Variants in IRX3 observed in about 807,000 individuals in gnomAD.
The protein encoded by IRX3 is iroquois homeobox 3.
In IRX3, 20 loss-of-function variants were observed where a neutral mutation model predicts 36.4. The ratio of observed to expected loss-of-function variants is 0.55; its 90% CI spans 0.39 to 0.80. The LOEUF is 0.80. Among genes scored for constraint, IRX3 ranks in the 30% least tolerant of loss-of-function variants. The probability of loss-of-function intolerance (pLI) is 0.00; values close to 1 mark genes in which losing one functional copy is unlikely to be tolerated. For synonymous variants in IRX3, 404 were observed against 351.6 expected (o/e 1.15, Z -1.67); for missense variants, 718 against 733.2 (o/e 0.98, Z 0.24).
At position 54,285,753 on chromosome 16, in the gene IRX3, C is replaced by G. The variant is rs562768536; in HGVS notation, c.267+31G>C. 3.1e-5 allele frequency: 47 copies of G among 1,503,442 alleles called. No homozygotes were observed. In the African/African-American group the frequency reaches 5.6e-4, roughly 18 times the overall value. The allele number at this position is 1,503,442 out of a possible 1,614,324, so 93.1% of individuals were successfully genotyped here. On this transcript the variant is annotated intron_variant, in intron 1 of 3. Coordinates refer to ENST00000329734, the MANE Select transcript of IRX3 (RefSeq NM_024336.3). The surrounding 1 kb of genome is among the most constrained non-coding windows in gnomAD (Gnocchi z 5.7). The stretch of plus-strand genomic sequence containing the variant: ...AGCTCGCCCTGCGCCCCAGCGCCAA[C>G]CCCTCCTTCCCTGGCTCCGCGGGCT...
rs1901297103 is a variant in IRX3, at chr16:54,285,229, C to T, written c.652G>A (p.Asp218Asn). ...AGCTCGCGTTTGCCGTCCTCCTCGT[C>T]CTCCTCTTCGTCTTCCTCCTCGCGC... is the stretch of plus-strand genomic sequence containing the variant. ...SEREEEDEEE[D>N]EEDGKRELEL... Residue 218 changes from aspartate to asparagine, a missense_variant, in exon 2 of 4, where the codon GAC (aspartate) becomes AAC (asparagine). This residue lies in a region of IRX3 where 468 missense variants were observed against 462.1 expected (regional missense o/e 1.01). Coordinates refer to ENST00000329734, the MANE Select transcript of IRX3 (RefSeq NM_024336.3). The surrounding 1 kb of genome is among the most constrained non-coding windows in gnomAD (Gnocchi z 5.7). 1 of 1,611,904 alleles carries T rather than the reference C, an allele frequency of 6.2e-7. No homozygotes were observed. The highest frequency in any genetic ancestry group is 1.1e-5 in the South Asian group (1 of 90,874).
rs1246359219 is a variant in IRX3, at chr16:54,285,982, A to G, written c.69T>C (p.Ala23=). Residue 23 remains alanine, a synonymous_variant, in exon 1 of 4, where the codon GCT becomes GCC. Coordinates refer to ENST00000329734, the MANE Select transcript of IRX3 (RefSeq NM_024336.3). This position sits in a 1 kb window ranked among gnomAD's most constrained non-coding sequence, Gnocchi z 5.7. The stretch of plus-strand genomic sequence containing the variant: ...CCCCCGCGCTGCCGCCGCTGCCGCC[A>G]GCGGCCCCCGGGCGCTCGGACGGGT... ...PLYPSERPGA[A]GGSGGSAGAR... is the part of the protein sequence containing the mutation. The G allele has an allele frequency of 9.5e-6, 13 of 1,371,988 alleles. No individual in the cohort carries two copies. The highest frequency in any genetic ancestry group is 1.2e-5 in the Non-Finnish European group (13 of 1,065,102). The allele number at this position is 1,371,988 out of a possible 1,614,324, so 85.0% of individuals were successfully genotyped here.
In IRX3 at chr16:54,284,551, G is replaced by T; in HGVS notation, c.1330C>A (p.His444Asn). The T allele has an allele frequency of 7.0e-7, 1 of 1,419,542 alleles. No homozygotes were observed. The highest frequency in any genetic ancestry group is 9.1e-7 in the Non-Finnish European group (1 of 1,097,152). The allele number at this position is 1,419,542 out of a possible 1,614,324, so 87.9% of individuals were successfully genotyped here. A position where few individuals can be genotyped will look rare whatever the true frequency, so the allele number is the denominator to read the frequency against. The change falls in exon 2 of 4, where the codon CAC becomes AAC. Residue 444 changes from histidine (H) to asparagine (N), a missense_variant. His to Asn is a moderately conservative substitution (Grantham distance 68). This residue lies in a region of IRX3 where 468 missense variants were observed against 462.1 expected (regional missense o/e 1.01). Transcript: ENST00000329734. The surrounding 1 kb of genome is among the most constrained non-coding windows in gnomAD (Gnocchi z 4.0). ...GCGAAGGCGGCGGCGGCAGCCGGGT[G>T]GCCCGCGGCTCCGGGAAGTCCCAGC... is the stretch of plus-strand genomic sequence containing the variant. ...HLLGLPGAAG[H>N]PAAAAAFARP...
Position 54,286,045 on chromosome 16 carries a change from G to C in IRX3, c.6C>G (p.Ser2=). 1.6e-6 allele frequency: 2 copies of C among 1,287,244 alleles called. No individual in the cohort carries two copies. Among genetic ancestry groups the C allele is most frequent in the East Asian group, 3.3e-5 (1 of 30,220 alleles). 79.7% of individuals were successfully genotyped at this position (1,287,244 alleles called of 1,614,324 possible). A position where few individuals can be genotyped will look rare whatever the true frequency, so the allele number is the denominator to read the frequency against. M[S]FPQLGYQYIR... ...TGTATTGGTATCCCAGCTGGGGGAA[G>C]GACATGGTGGCCCGCGGGGCACGGA... The change falls in exon 1 of 4, where the codon TCC becomes TCG. Residue 2 remains serine, a synonymous_variant. Transcript: ENST00000329734.
rs551717246 is a variant in IRX3, at chr16:54,285,843, C to T, written c.208G>A (p.Ala70Thr). 1.9e-6 allele frequency: 3 copies of T among 1,551,940 alleles called. No homozygotes were observed. The highest frequency in any genetic ancestry group is 2.4e-5 in the South Asian group (2 of 84,446). The change falls in exon 1 of 4, where the codon GCC becomes ACC. Residue 70 changes from alanine (A) to threonine (T), a missense_variant. Ala to Thr is a moderately conservative substitution (Grantham distance 58, BLOSUM62 0). Coordinates refer to ENST00000329734, the MANE Select transcript of IRX3 (RefSeq NM_024336.3). This position sits in a 1 kb window ranked among gnomAD's most constrained non-coding sequence, Gnocchi z 5.7. ...PYAAAAAAAAAQGYGAFLPYA... is the reference protein window; with the variant it reads ...PYAAAAAAAATQGYGAFLPYA... Reference sequence around the variant, plus strand: ...GGCAGGAAGGCGCCGTAGCCTTGGGCGGCGGCGGCCGCAGCGGCCGCGGCG... The same window carrying T: ...GGCAGGAAGGCGCCGTAGCCTTGGGTGGCGGCGGCCGCAGCGGCCGCGGCG...
In IRX3 at chr16:54,285,336, C is replaced by A; in HGVS notation, c.545G>T (p.Arg182Leu). ...TQVSTWFANA[R>L]RRLKKENKMT... ...CTTATTCTCCTTCTTGAGGCGCCGG[C>A]GCGCGTTGGCGAACCAGGTGGACAC... Residue 182 changes from arginine (R) to leucine (L), a missense_variant, in exon 2 of 4, where the codon CGC becomes CTC. By Grantham distance (102) the Arg-to-Leu change is moderately radical. Around this residue, in one of 3 missense-constraint regions of IRX3, gnomAD observed 46 missense variants for 89.7 expected, o/e 0.51. Transcript: ENST00000329734. This position sits in a 1 kb window ranked among gnomAD's most constrained non-coding sequence, Gnocchi z 5.7. 6.2e-7 allele frequency: 1 copy of A among 1,614,190 alleles called. No individual in the cohort carries two copies. The highest frequency in any genetic ancestry group is 8.5e-7 in the Non-Finnish European group (1 of 1,180,046).
chr16:54,284,628 G>A lies in IRX3; in HGVS notation c.1253C>T (p.Pro418Leu). The A allele has an allele frequency of 7.3e-7, 1 of 1,376,986 alleles. No individual in the cohort carries two copies. Among genetic ancestry groups the A allele is most frequent in the Non-Finnish European group, 9.3e-7 (1 of 1,076,268 alleles). The allele number at this position is 1,376,986 out of a possible 1,614,324, so 85.3% of individuals were successfully genotyped here. The change falls in exon 2 of 4, where the codon CCC (proline) becomes CTC (leucine). Residue 418 changes from proline (P) to leucine (L), a missense_variant. Pro to Leu is a moderately conservative substitution (Grantham distance 98). Transcript: ENST00000329734. The surrounding 1 kb of genome is among the most constrained non-coding windows in gnomAD (Gnocchi z 4.0). ...GGAGAGCGGGTGCAGGCGGGGGCCGGGCGGTGGGCCTGGAAACGGCCGGTT... is the reference window on the plus strand; with the variant it reads ...GGAGAGCGGGTGCAGGCGGGGGCCGAGCGGTGGGCCTGGAAACGGCCGGTT... The part of the protein sequence containing the change: ...WTNRPFPGPP[P>L]GPRLHPLSLL...
rs1318034112 is a variant in IRX3 at position 54,283,950 on chromosome 16, G to A, written c.1452-210C>T. On this transcript the variant is annotated intron_variant, in intron 3 of 3. Transcript: ENST00000329734. The surrounding 1 kb of genome is among the most constrained non-coding windows in gnomAD (Gnocchi z 4.4). ...CGAGGTCTGGGGCTGGAAAGAGGTG[G>A]GCGTCAGAGAACCGCCACCCGCCCC... 2.2e-4 allele frequency: 214 copies of A among 985,266 alleles called. No individual in the cohort carries two copies. The highest frequency in any genetic ancestry group is 2.5e-4 in the Non-Finnish European group (209 of 829,912). 61.0% of individuals were successfully genotyped at this position (985,266 alleles called of 1,614,324 possible). A position where few individuals can be genotyped will look rare whatever the true frequency, so the allele number is the denominator to read the frequency against.
In IRX3 at chr16:54,285,264, T is replaced by C. The variant is rs1332180445; in HGVS notation, c.617A>G (p.Tyr206Cys). The C allele has an allele frequency of 2.5e-6, 4 of 1,613,794 alleles. No homozygotes were observed. In the South Asian group the frequency reaches 4.4e-5, roughly 18 times the overall value. Reference protein sequence around the residue: ...RSRTDEEGNAYGSEREEEDEE... With the variant: ...RSRTDEEGNACGSEREEEDEE... Reference sequence around the variant, plus strand: ...GTCTTCCTCCTCGCGCTCGCTCCCATAAGCGTTTCCCTCCTCGTCAGTGCG... The same window carrying C: ...GTCTTCCTCCTCGCGCTCGCTCCCACAAGCGTTTCCCTCCTCGTCAGTGCG... Residue 206 changes from tyrosine (Y) to cysteine (C), a missense_variant, in exon 2 of 4, where the codon TAT (tyrosine) becomes TGT (cysteine). Physicochemically the swap from Tyr to Cys is radical, Grantham distance 194 (BLOSUM62 -2). Coordinates refer to ENST00000329734, the MANE Select transcript of IRX3 (RefSeq NM_024336.3). The surrounding 1 kb of genome is among the most constrained non-coding windows in gnomAD (Gnocchi z 5.7).
rs756278150 is a variant in IRX3, at chr16:54,284,231, C to G, written c.1451+15G>C. On this transcript the variant is annotated intron_variant, in intron 3 of 3. Transcript: ENST00000329734. The surrounding 1 kb of genome is among the most constrained non-coding windows in gnomAD (Gnocchi z 4.0). ...CAGCCAGTCCCCCTGGCCCCTCAAC[C>G]TCGGGGTTTCTTACCGCCTGGGCAC... 1.1e-5 allele frequency: 18 copies of G among 1,609,240 alleles called. No individual in the cohort carries two copies. Among genetic ancestry groups the G allele is most frequent in the Non-Finnish European group, 1.4e-5 (17 of 1,177,242 alleles).
Position 54,285,030 on chromosome 16 carries a change from G to A in IRX3, c.851C>T (p.Pro284Leu). The change falls in exon 2 of 4, where the codon CCC (proline) becomes CTC (leucine). Residue 284 changes from proline to leucine, a missense_variant. By Grantham distance (98) the Pro-to-Leu change is moderately conservative (BLOSUM62 -3). This residue lies in a region of IRX3 where 468 missense variants were observed against 462.1 expected (regional missense o/e 1.01). Coordinates refer to ENST00000329734, the MANE Select transcript of IRX3 (RefSeq NM_024336.3). This position sits in a 1 kb window ranked among gnomAD's most constrained non-coding sequence, Gnocchi z 5.7. The part of the protein sequence containing the change: ...ARRDGDLGLG[P>L]ISDSKNSDSE... ...GTCGCTATTTTTGGAGTCCGAAATG[G>A]GTCCCAGGCCTAGGTCGCCATCCCT... 6.2e-7 allele frequency: 1 copy of A among 1,613,806 alleles called. No individual in the cohort carries two copies. The highest frequency in any genetic ancestry group is 8.5e-7 in the Non-Finnish European group (1 of 1,179,962).
Position 54,283,409 on chromosome 16 carries a change from C to G in IRX3, c.*277G>C, listed in dbSNP as rs1175523730. ...ATTTCTCTGTATATATACACACACA[C>G]AAAGGCAGACACGTTTATTCTCACT... is the stretch of plus-strand genomic sequence containing the variant. On this transcript the variant is annotated 3_prime_UTR_variant, in exon 4 of 4. Coordinates refer to ENST00000329734, the MANE Select transcript of IRX3 (RefSeq NM_024336.3). The surrounding 1 kb of genome is among the most constrained non-coding windows in gnomAD (Gnocchi z 4.4). The G allele has an allele frequency of 7.8e-6, 3 of 382,840 alleles. No homozygotes were observed. Among genetic ancestry groups the G allele is most frequent in the Admixed American group, 3.7e-5 (1 of 27,126 alleles). 23.7% of individuals were successfully genotyped at this position (382,840 alleles called of 1,614,324 possible).
In IRX3 at chr16:54,284,939, T is replaced by C; in HGVS notation, c.942A>G (p.Pro314=). 6.2e-7 allele frequency: 1 copy of C among 1,605,294 alleles called. No individual in the cohort carries two copies. The highest frequency in any genetic ancestry group is 8.5e-7 in the Non-Finnish European group (1 of 1,176,518). ...ACGGCGAGGCCACGGCCACTGGTGG[T>C]GGCGCTGGAGCCAGACTCAGGACCG... ...PLPVLSLAPA[P]PPVAVASPSL... Residue 314 remains proline, a synonymous_variant, in exon 2 of 4, where the codon CCA becomes CCG. Coordinates refer to ENST00000329734, the MANE Select transcript of IRX3 (RefSeq NM_024336.3). The surrounding 1 kb of genome is among the most constrained non-coding windows in gnomAD (Gnocchi z 4.0).
In IRX3 at chr16:54,286,250, C is replaced by T; in HGVS notation, c.-200G>A. ...GGCGGCGAGGGCGGCGGCGAGGAGC[C>T]AGGTCAGGTCCGAACAGATTGGCGG... On this transcript the variant is annotated 5_prime_UTR_variant, in exon 1 of 4. Coordinates refer to ENST00000329734, the MANE Select transcript of IRX3 (RefSeq NM_024336.3). 9.9e-7 allele frequency: 1 copy of T among 1,008,954 alleles called. No homozygotes were observed. Among genetic ancestry groups the T allele is most frequent in the East Asian group, 1.1e-4 (1 of 9,492 alleles). 62.5% of individuals were successfully genotyped at this position (1,008,954 alleles called of 1,614,324 possible). A position where few individuals can be genotyped will look rare whatever the true frequency, so the allele number is the denominator to read the frequency against.
Position 54,286,345 on chromosome 16 carries a change from T to C in IRX3, c.-295A>G. On this transcript the variant is annotated 5_prime_UTR_variant, in exon 1 of 4. Coordinates refer to ENST00000329734, the MANE Select transcript of IRX3 (RefSeq NM_024336.3). ...CAAGCCCCTCCTCTCTGCGCCGCGCTCCCTCCTCTCGGCCGCCGGAGCTGC... is the reference window on the plus strand; with the variant it reads ...CAAGCCCCTCCTCTCTGCGCCGCGCCCCCTCCTCTCGGCCGCCGGAGCTGC... 1.0e-6 allele frequency: 1 copy of C among 988,878 alleles called. No homozygotes were observed. The highest frequency in any genetic ancestry group is 1.2e-6 in the Non-Finnish European group (1 of 832,610). 61.3% of individuals were successfully genotyped at this position (988,878 alleles called of 1,614,324 possible).
Position 54,285,288 on chromosome 16 carries a change from C to A in IRX3, c.593G>T (p.Arg198Leu), listed in dbSNP as rs538118787. The A allele has an allele frequency of 1.2e-6, 2 of 1,614,122 alleles. No individual in the cohort carries two copies. Among genetic ancestry groups the A allele is most frequent in the South Asian group, 1.1e-5 (1 of 91,078 alleles). Residue 198 changes from arginine (R) to leucine (L), a missense_variant, in exon 2 of 4, where the codon CGC (arginine) becomes CTC (leucine). By Grantham distance (102) the Arg-to-Leu change is moderately radical. Coordinates refer to ENST00000329734, the MANE Select transcript of IRX3 (RefSeq NM_024336.3). The surrounding 1 kb of genome is among the most constrained non-coding windows in gnomAD (Gnocchi z 5.7). ...ENKMTWAPRSRTDEEGNAYGS... is the reference protein window; with the variant it reads ...ENKMTWAPRSLTDEEGNAYGS... ...ATAAGCGTTTCCCTCCTCGTCAGTGCGGCTGCGAGGCGCCCAAGTCATCTT... is the reference window on the plus strand; with the variant it reads ...ATAAGCGTTTCCCTCCTCGTCAGTGAGGCTGCGAGGCGCCCAAGTCATCTT...
chr16:54,284,089 A>C lies in IRX3; in HGVS notation c.1451+157T>G. 1 of 1,119,554 alleles carries C rather than the reference A, an allele frequency of 8.9e-7. No individual in the cohort carries two copies. The highest frequency in any genetic ancestry group is 1.6e-5 in the South Asian group (1 of 62,032). 69.4% of individuals were successfully genotyped at this position (1,119,554 alleles called of 1,614,324 possible). On this transcript the variant is annotated intron_variant, in intron 3 of 3. Coordinates refer to ENST00000329734, the MANE Select transcript of IRX3 (RefSeq NM_024336.3). The surrounding 1 kb of genome is among the most constrained non-coding windows in gnomAD (Gnocchi z 4.0). ...CCTGGAGAGCTGTCGCAGGGCCGAC[A>C]GGGGCGACTGAAAAAGTGACTTTCG... is the stretch of plus-strand genomic sequence containing the variant.
chr16:54,285,841 G>T lies in IRX3; in HGVS notation c.210C>A (p.Ala70=). The T allele has an allele frequency of 6.4e-7, 1 of 1,554,168 alleles. No homozygotes were observed. The highest frequency in any genetic ancestry group is 2.4e-5 in the East Asian group (1 of 41,462). ...PYAAAAAAAA[A]QGYGAFLPYA... The stretch of plus-strand genomic sequence containing the variant: ...AGGGCAGGAAGGCGCCGTAGCCTTG[G>T]GCGGCGGCGGCCGCAGCGGCCGCGG... Residue 70 remains alanine, a synonymous_variant, in exon 1 of 4, where the codon GCC becomes GCA. Transcript: ENST00000329734. This position sits in a 1 kb window ranked among gnomAD's most constrained non-coding sequence, Gnocchi z 5.7.
Position 54,285,197 on chromosome 16 carries a change from CAGCTCT to C in IRX3, c.678_683del (p.Leu228_Glu229del). On this transcript the variant is annotated inframe_deletion, in exon 2 of 4. Transcript: ENST00000329734. The surrounding 1 kb of genome is among the most constrained non-coding windows in gnomAD (Gnocchi z 5.7). Reference sequence around the variant, plus strand: ...CCTCCCCCCCGAGCTCCTCCTCCTCCAGCTCTAGCTCGCGTTTGCCGTCCTCCTCGT... The same window carrying C: ...CCTCCCCCCCGAGCTCCTCCTCCTCCAGCTCGCGTTTGCCGTCCTCCTCGT... The C allele has an allele frequency of 1.9e-6, 3 of 1,603,752 alleles. No homozygotes were observed. Among genetic ancestry groups the C allele is most frequent in the Non-Finnish European group, 2.6e-6 (3 of 1,175,160 alleles).
Sources: allele counts gnomAD v4.1 joint callset, GRCh38; gene constraint gnomAD v4.1.1; regional missense constraint gnomAD v4.1.1; non-coding constraint Gnocchi (gnomAD v3.1); transcripts MANE v1.5; gene names NCBI Gene and HGNC (gene_info 2026-07-23, HGNC 2026-07-21).